Variants in MEG3 observed in about 807,000 individuals in gnomAD.
MEG3 encodes Very putative protein from MEG3 locus.
Position 100,840,086 on chromosome 14 carries a change from C to T in MEG3, n.3045+3786C>T, listed in dbSNP as rs563046687. 1.4e-4 allele frequency among the ~76,000 whole-genome samples: 21 copies of T among 152,288 alleles called. No individual in the cohort carries two copies. In the South Asian group the frequency reaches 2.3e-3, roughly 17 times the overall value. ...GCAGGTGCTGGGTCACTGGGGCCGC[C>T]GTGGGCCTCCCAACATGAGGGACTG... On this transcript the variant is annotated intron_variant and non_coding_transcript_variant, in intron 2 of 3. Coordinates refer to the MEG3 transcript ENST00000398461.
chr14:100,828,295 C>T (rs2037304572), intron 1 of MEG3, among the ~76,000 whole-genome samples: 1 of 152,050 alleles, frequency 6.6e-6, no homozygotes, highest in African/African-American at 2.4e-5. Context: ...ACGCACACAG[C>T]TAACACTTGT....
intron 2 of MEG3, among the ~76,000 whole-genome samples, chr14:100,839,349 T>A (rs1033150486): frequency 6.6e-6 from 1 of 152,178 alleles, no homozygotes; most frequent in African/African-American, 2.4e-5. Context: ...CTCCCTGCTG[T>A]TTCTCTGAGC....
exon 1 of MEG3, chr14:100,857,258 C>T (rs1004860296): frequency 6.6e-6 from 1 of 152,162 alleles, no homozygotes; most frequent in Non-Finnish European, 1.5e-5. Flanking sequence ...TTAGAAAGCG[C>T]GTAGCCTTAG....
intron 3 of MEG3, chr14:100,851,213 T>C (rs1228420674): frequency 6.6e-6 from 1 of 152,360 alleles, no homozygotes. Flanking sequence ...AGGAAGGGCT[T>C]GGACCCTGAG....
At chr14:100,844,615 G>A (rs1047696046) in intron 2 of MEG3, among the ~76,000 whole-genome samples, 6 of 152,108 alleles carry the variant, frequency 3.9e-5, no homozygotes, top group Non-Finnish European at 8.8e-5. Context: ...TCGATGGAAC[G>A]ACTCTGATAC....
rs561914400 is a variant in MEG3, at chr14:100,842,249, G to A, written n.3046-3209G>A. On this transcript the variant is annotated intron_variant and non_coding_transcript_variant, in intron 2 of 3. Transcript: ENST00000398461. ...AGACTGCTTTCCCAAGGCTGCCTCC[G>A]CCACTCCATCCATTAACGGTAAACA... is the stretch of plus-strand genomic sequence containing the variant. 3.3e-5 allele frequency among the ~76,000 whole-genome samples: 5 copies of A among 152,218 alleles called. No individual in the cohort carries two copies. In the East Asian group the frequency reaches 5.8e-4, roughly 18 times the overall value.
rs151239573 is a variant in MEG3 at position 100,842,406 on chromosome 14, G to A, written n.3046-3052G>A. Among the ~76,000 whole-genome samples the A allele has an allele frequency of 1.0e-3, 152 of 152,262 alleles. 1 individual carries two copies. The highest frequency in any genetic ancestry group is 1.2e-4 in the Non-Finnish European group (8 of 68,020). On this transcript the variant is annotated intron_variant and non_coding_transcript_variant, in intron 2 of 3. Transcript: ENST00000398461. The stretch of plus-strand genomic sequence containing the variant: ...AATTAGAGGGCTGATGGGGGCCTGC[G>A]AGAGAGAGGGGACATGATTTCAAAA...
In MEG3 at chr14:100,842,552, G is replaced by A. The variant is rs924036483; in HGVS notation, n.3046-2906G>A. 2.6e-5 allele frequency among the ~76,000 whole-genome samples: 4 copies of A among 152,204 alleles called. No homozygotes were observed. The South Asian group carries it at 8.3e-4, about 32-fold the overall frequency. On this transcript the variant is annotated intron_variant and non_coding_transcript_variant, in intron 2 of 3. Transcript: ENST00000398461. Reference sequence around the variant, plus strand: ...TTGCATTTGTCAGGGGAAGTTGTAAGGGGGTGGTGTTTACTCAACAGGTAG... The same window carrying A: ...TTGCATTTGTCAGGGGAAGTTGTAAAGGGGTGGTGTTTACTCAACAGGTAG...
Position 100,837,926 on chromosome 14 carries a change from G to A in MEG3, n.3045+1626G>A, listed in dbSNP as rs1476080338. Among the ~76,000 whole-genome samples, 1 of 151,936 alleles carries A rather than the reference G, an allele frequency of 6.6e-6. No individual in the cohort carries two copies. The highest frequency in any genetic ancestry group is 6.6e-5 in the Admixed American group (1 of 15,262). On this transcript the variant is annotated intron_variant and non_coding_transcript_variant, in intron 2 of 3. Coordinates refer to the MEG3 transcript ENST00000398461. This position sits in a 1 kb window ranked among gnomAD's most constrained non-coding sequence, Gnocchi z 5.8. Reference sequence around the variant, plus strand: ...AGCCTGGAGAGACGGGGAGGGGAGTGTGTGCCCAGGGCTAAACCCAGGGAG... The same window carrying A: ...AGCCTGGAGAGACGGGGAGGGGAGTATGTGCCCAGGGCTAAACCCAGGGAG...
chr14:100,853,318 A>G (rs3742396), upstream of MEG3: 19,316 of 151,884 alleles, frequency 0.13, 1,737 homozygotes, highest in East Asian at 0.41. Context: ...GTGACTCCCA[A>G]CTCCCTCCTT....
intron 1 of MEG3, among the ~76,000 whole-genome samples, chr14:100,828,129 G>T (rs1446063335): frequency 6.6e-6 from 1 of 152,044 alleles, no homozygotes; most frequent in Non-Finnish European, 1.5e-5. Flanking sequence ...GCCCTTCCTA[G>T]CCTGAGACCT....
At chr14:100,836,189 G>A (rs1307951630) in exon 2 of MEG3, 7 of 455,994 alleles carry the variant, frequency 1.5e-5, no homozygotes, top group Admixed American at 1.2e-4. Flanking sequence ...TGGCCCGGCT[G>A]GGTCGGCTGA....
chr14:100,855,803 G>A (rs572399589), upstream of MEG3: 1 of 152,234 alleles, frequency 6.6e-6, no homozygotes, highest in Admixed American at 6.5e-5. Flanking sequence ...CGGTGACAAG[G>A]CGAGATCCCT....
intron 2 of MEG3, among the ~76,000 whole-genome samples, chr14:100,838,247 C>A (rs1473841517): frequency 2.0e-5 from 3 of 152,130 alleles, no homozygotes; most frequent in Non-Finnish European, 4.4e-5. Flanking sequence ...ACAGGAGAGG[C>A]CCAGATAGGA....
chr14:100,828,314 A>G (rs1399820637), intron 1 of MEG3, among the ~76,000 whole-genome samples: 1 of 151,932 alleles, frequency 6.6e-6, no homozygotes, highest in Non-Finnish European at 1.5e-5. Flanking sequence ...GTGACCTGTC[A>G]GTCAAATCAT....
At chr14:100,854,135 A>G (rs1377403235), upstream of MEG3, 2 of 152,256 alleles carry the variant, frequency 1.3e-5, no homozygotes, top group Non-Finnish European at 2.9e-5. Context: ...CAGTAAGCTT[A>G]CAGCATTTTA....
downstream of MEG3, chr14:100,830,641 A>C (rs997260362): frequency 2.6e-5 from 4 of 152,224 alleles, no homozygotes; most frequent in Non-Finnish European, 5.9e-5. Flanking sequence ...GGGCACCGAC[A>C]ATCTGCCCAG....
At chr14:100,852,020 C>T (rs778932968) in intron 3 of MEG3, 2 of 229,856 alleles carry the variant, frequency 8.7e-6, no homozygotes, top group East Asian at 1.3e-4. Flanking sequence ...TCTTAACAAG[C>T]GCCCGGAGCA....
In MEG3 at chr14:100,845,762, A is replaced by G. The variant is rs2037901222; in HGVS notation, n.3121+229A>G. 1 of 230,780 alleles carries G rather than the reference A, an allele frequency of 4.3e-6. No homozygotes were observed. The highest frequency in any genetic ancestry group is 2.3e-5 in the African/African-American group (1 of 42,846). 14.3% of individuals were successfully genotyped at this position (230,780 alleles called of 1,614,324 possible). The stretch of plus-strand genomic sequence containing the variant: ...CTCCTTGTGTTGTCTCTGTGGCAAA[A>G]GAATTCTATAGGCGGGCTTCAAATG... On this transcript the variant is annotated intron_variant and non_coding_transcript_variant, in intron 3 of 3. Transcript: ENST00000398461. This position sits in a 1 kb window ranked among gnomAD's most constrained non-coding sequence, Gnocchi z 5.2.
Sources: allele counts gnomAD v4.1 joint callset (sites outside exome capture counted in the v4.1 genomes callset), GRCh38; gene constraint gnomAD v4.1.1; non-coding constraint Gnocchi (gnomAD v3.1); transcripts MANE v1.5; gene names NCBI Gene and HGNC (gene_info 2026-07-23, HGNC 2026-07-21).